The following PCDHGA10 variants were observed in gnomAD, a reference collection of about 807,000 sequenced individuals.
PCDHGA10 encodes the protein protocadherin gamma-A10.
A neutral mutation model predicts 59.5 loss-of-function variants in PCDHGA10; 42 were observed. The ratio of observed to expected loss-of-function variants is 0.71; its 90% confidence interval spans 0.55 to 0.91. The LOEUF (loss-of-function observed/expected upper bound fraction) is 0.91, where lower values mean the gene tolerates loss of function less well. Ranked by LOEUF, PCDHGA10 falls within the 40% of genes least tolerant of loss-of-function variation. The probability of loss-of-function intolerance (pLI) is 0.00; values close to 1 mark genes in which losing one functional copy is unlikely to be tolerated. For missense variants in PCDHGA10, 1,111 were observed against 1,198.2 expected, an observed-to-expected ratio of 0.93 and a Z score of 1.07; for synonymous variants, 511 against 517.2, an observed-to-expected ratio of 0.99 and a Z score of 0.16.
Position 141,414,670 on chromosome 5 carries a change from A to G in PCDHGA10, c.1495A>G (p.Thr499Ala). ...AQIIYSLAEDTIQGVPLSSYI... is the reference protein window; with the variant it reads ...AQIIYSLAEDAIQGVPLSSYI... ...GATTATTTACTCCCTGGCTGAAGAC[A>G]CCATCCAGGGGGTACCTCTGTCCTC... The change falls in exon 1 of 4, where the codon ACC becomes GCC. Residue 499 changes from threonine to alanine, a missense_variant. Thr to Ala is a moderately conservative substitution (Grantham distance 58). Transcript: ENST00000398610. 1 of 1,613,894 alleles carries G rather than the reference A, an allele frequency of 6.2e-7. No individual in the cohort carries two copies.
chr5:141,471,786 A>AT (rs531568169), intron 1 of PCDHGA10, among the ~76,000 whole-genome samples: 23 of 152,362 alleles, frequency 1.5e-4, no homozygotes, highest in African/African-American at 5.5e-4. Flanking sequence ...ACATTATGCT[A>AT]TGTCATATAA....
chr5:141,432,803 G>T lies in PCDHGA10; in HGVS notation c.2436+17192G>T, dbSNP rs751950423. 3 of 1,614,160 alleles carry T rather than the reference G, an allele frequency of 1.9e-6. No homozygotes were observed. The highest frequency in any genetic ancestry group is 2.2e-5 in the East Asian group (1 of 44,874). ...GGACCTCGGCAGCCTCGAGTCTCCA[G>T]CTAACTCTGAAACCTCAGACCTCAC... On this transcript the variant is annotated intron_variant, in intron 1 of 3. Coordinates refer to ENST00000398610, the MANE Select transcript of PCDHGA10 (RefSeq NM_018913.3). This position sits in a 1 kb window ranked among gnomAD's most constrained non-coding sequence, Gnocchi z 6.0.
chr5:141,419,085 C>T (rs759272094), intron 1 of PCDHGA10: 1 of 1,613,936 alleles, frequency 6.2e-7, no homozygotes, highest in Non-Finnish European at 8.5e-7. Flanking sequence ...ACAGATGAGG[C>T]CCTGGATCGG....
chr5:141,453,676 C>T (rs1387074223), intron 1 of PCDHGA10, among the ~76,000 whole-genome samples: 1 of 152,174 alleles, frequency 6.6e-6, no homozygotes, highest in Admixed American at 6.6e-5. Flanking sequence ...AAAGGTAACA[C>T]ACTATGTAGG....
At chr5:141,419,354 C>T in intron 1 of PCDHGA10, 3 of 1,613,828 alleles carry the variant, frequency 1.9e-6, no homozygotes, top group Non-Finnish European at 1.7e-6. Flanking sequence ...CCTGGAGTCA[C>T]GAACGCTGTC....
intron 1 of PCDHGA10, among the ~76,000 whole-genome samples, chr5:141,446,411 G>A (rs778985047): frequency 1.3e-5 from 2 of 152,086 alleles, no homozygotes; most frequent in Non-Finnish European, 2.9e-5. Flanking sequence ...TTGAGTTCCA[G>A]CCATGTTCAT....
In PCDHGA10 at chr5:141,414,511, G is replaced by A; in HGVS notation, c.1336G>A (p.Val446Met). 1.2e-6 allele frequency: 2 copies of A among 1,613,972 alleles called. No individual in the cohort carries two copies. The highest frequency in any genetic ancestry group is 1.3e-5 in the African/African-American group (1 of 75,048). Residue 446 changes from valine (V) to methionine (M), a missense_variant, in exon 1 of 4, where the codon GTG becomes ATG. Physicochemically the swap from Val to Met is conservative, Grantham distance 21 (BLOSUM62 1). Coordinates refer to ENST00000398610, the MANE Select transcript of PCDHGA10 (RefSeq NM_018913.3). ...AACGGAAGCTCACTTTATGCTACAAGTGGCAGATATCAATGACAACCCACC... is the reference window on the plus strand; with the variant it reads ...AACGGAAGCTCACTTTATGCTACAAATGGCAGATATCAATGACAACCCACC... ...LSTEAHFMLQVADINDNPPTF... is the reference protein window; with the variant it reads ...LSTEAHFMLQMADINDNPPTF...
At chr5:141,507,858 AC>A (rs2099864314) in intron 3 of PCDHGA10, among the ~76,000 whole-genome samples, 1 of 151,748 alleles carries the variant, frequency 6.6e-6, no homozygotes, top group African/African-American at 2.4e-5. Flanking sequence ...TCACTTTCAC[AC>A]CCGCTTCCTA....
At chr5:141,496,011 T>G (rs1232125559) in intron 2 of PCDHGA10, among the ~76,000 whole-genome samples, 1 of 152,114 alleles carries the variant, frequency 6.6e-6, no homozygotes, top group African/African-American at 2.4e-5. Flanking sequence ...ATCTTGTCTT[T>G]TTTCTCTGAG....
rs773499765 is a variant in PCDHGA10 at position 141,489,626 on chromosome 5, A to T, written c.2437-5181A>T. 6.2e-6 allele frequency: 10 copies of T among 1,613,568 alleles called. No individual in the cohort carries two copies. In the South Asian group the frequency reaches 9.9e-5, roughly 16 times the overall value. On this transcript the variant is annotated intron_variant, in intron 1 of 3. Coordinates refer to ENST00000398610, the MANE Select transcript of PCDHGA10 (RefSeq NM_018913.3). The surrounding 1 kb of genome is among the most constrained non-coding windows in gnomAD (Gnocchi z 4.5). The stretch of plus-strand genomic sequence containing the variant: ...GTAGAGATCCTGGATCTCAATGACA[A>T]CTCTCCTAGCTTTGCCACCCCTGAG...
intron 1 of PCDHGA10, chr5:141,430,780 C>G: frequency 6.6e-7 from 1 of 1,511,476 alleles, no homozygotes; most frequent in Non-Finnish European, 8.8e-7. Context: ...CGCGACTGCA[C>G]CGGGACTACA....
rs1330784633 is a variant in PCDHGA10 at position 141,476,330 on chromosome 5, G to A, written c.2437-18477G>A. On this transcript the variant is annotated intron_variant, in intron 1 of 3. Transcript: ENST00000398610. This position sits in a 1 kb window ranked among gnomAD's most constrained non-coding sequence, Gnocchi z 7.6. ...CCGCAGGTTCCGGGTGGTGTCTGGA[G>A]CTAGCCGAAGATTCTTTGAGGTGAA... The A allele has an allele frequency of 1.2e-6, 2 of 1,614,092 alleles. No homozygotes were observed. The highest frequency in any genetic ancestry group is 1.6e-4 in the Middle Eastern group (1 of 6,084).
At chr5:141,421,192 C>G (rs758345796) in intron 1 of PCDHGA10, 22 of 1,491,716 alleles carry the variant, frequency 1.5e-5, no homozygotes, top group Non-Finnish European at 1.9e-5. Flanking sequence ...AACCAACCAG[C>G]TCGAGAAACC....
chr5:141,448,505 T>C (rs1041076095), intron 1 of PCDHGA10, among the ~76,000 whole-genome samples: 24 of 152,172 alleles, frequency 1.6e-4, no homozygotes, highest in African/African-American at 5.8e-4. Flanking sequence ...AGGTAAACAT[T>C]TTATAACTTT....
At chr5:141,438,287 T>C (rs1183751436) in intron 1 of PCDHGA10, among the ~76,000 whole-genome samples, 1 of 152,054 alleles carries the variant, frequency 6.6e-6, no homozygotes, top group African/African-American at 2.4e-5. Context: ...TAATTTAATC[T>C]GTATGTAAAA....
chr5:141,434,920 A>C (rs927245955), intron 1 of PCDHGA10, among the ~76,000 whole-genome samples: 1 of 151,796 alleles, frequency 6.6e-6, no homozygotes. Flanking sequence ...ATTTATGTAC[A>C]TATATTTTAT....
intron 1 of PCDHGA10, chr5:141,478,198 ACTT>A (rs2099438516): frequency 1.2e-6 from 2 of 1,613,746 alleles, no homozygotes; most frequent in African/African-American, 1.3e-5. Context: ...CCTTTTATCT[ACTT>A]CTTTCTCTAA....
At position 141,423,654 on chromosome 5, in the gene PCDHGA10, T is replaced by C. The variant is rs768410507; in HGVS notation, c.2436+8043T>C. The C allele has an allele frequency of 6.3e-6, 10 of 1,583,982 alleles. No individual in the cohort carries two copies. The Admixed American group carries it at 1.8e-4, about 28-fold the overall frequency. ...TTTTAGGCAAATGTGACCCGACAAG[T>C]AATCAGGTGAGATTTATTTCTCTGC... On this transcript the variant is annotated intron_variant, in intron 1 of 3. Transcript: ENST00000398610.
chr5:141,493,204 C>T lies in PCDHGA10; in HGVS notation c.2437-1603C>T, dbSNP rs2099746929. Among the ~76,000 whole-genome samples, 1 of 152,216 alleles carries T rather than the reference C, an allele frequency of 6.6e-6. No individual in the cohort carries two copies. Among genetic ancestry groups the T allele is most frequent in the Non-Finnish European group, 1.5e-5 (1 of 68,042 alleles). Reference sequence around the variant, plus strand: ...TATATAACTCCTTTGAGAACCTCATCTCATTTGCTCTTCCCACCATTGCTG... The same window carrying T: ...TATATAACTCCTTTGAGAACCTCATTTCATTTGCTCTTCCCACCATTGCTG... On this transcript the variant is annotated intron_variant, in intron 1 of 3. Transcript: ENST00000398610. This position sits in a 1 kb window ranked among gnomAD's most constrained non-coding sequence, Gnocchi z 4.3.
Sources: allele counts gnomAD v4.1 joint callset (sites outside exome capture counted in the v4.1 genomes callset), GRCh38; gene constraint gnomAD v4.1.1; non-coding constraint Gnocchi (gnomAD v3.1); transcripts MANE v1.5; gene names NCBI Gene and HGNC (gene_info 2026-07-23, HGNC 2026-07-21).